Variants in PDS5B observed in about 807,000 individuals in gnomAD.
PDS5B encodes the protein sister chromatid cohesion protein PDS5 homolog B.
Under a neutral mutation model 184.1 loss-of-function variants are expected in PDS5B, and 51 were observed. The observed-to-expected ratio is 0.28, with a 90% confidence interval of 0.22 to 0.35. PDS5B has a LOEUF of 0.35. Among genes scored for constraint, PDS5B ranks in the 10% least tolerant of loss-of-function variants. The pLI, the probability that PDS5B is intolerant of heterozygous loss-of-function variation, is 1.00. For synonymous variants in PDS5B, 566 were observed against 569.2 expected (o/e 0.99, Z 0.08); for missense variants, 1,180 against 1,723.3 (o/e 0.68, Z 5.58).
chr13:32,761,591 T>TA (rs1232557444), intron 30 of PDS5B, among the ~76,000 whole-genome samples: 2 of 152,182 alleles, frequency 1.3e-5, no homozygotes, highest in African/African-American at 4.8e-5. Flanking sequence ...GTTCCTGTGT[T>TA]AATTTGCTCA....
At chr13:32,690,689 A>G (rs1383400950) in intron 13 of PDS5B, 6 of 152,198 alleles carry the variant, frequency 3.9e-5, no homozygotes, top group Admixed American at 3.9e-4. Flanking sequence ...AATGATAAGT[A>G]TATTTGATTG....
At chr13:32,670,097 GTTTTTC>G (rs760117394) in intron 7 of PDS5B, among the ~76,000 whole-genome samples, 3 of 150,410 alleles carry the variant, frequency 2.0e-5, no homozygotes, top group Non-Finnish European at 3.0e-5. Context: ...TCTCTCTTCT[GTTTTTC>G]TTTTTCATTC....
intron 1 of PDS5B, among the ~76,000 whole-genome samples, chr13:32,635,765 A>AT (rs34580707): frequency 0.02 from 2,159 of 108,480 alleles, 43 homozygotes; most frequent in Middle Eastern, 0.066. Flanking sequence ...TAGTATTCTG[A>AT]TTTTTTTTTT....
intron 1 of PDS5B, among the ~76,000 whole-genome samples, chr13:32,596,197 C>T (rs1039434527): frequency 6.6e-6 from 1 of 152,164 alleles, no homozygotes. Context: ...TACCCCACAA[C>T]GTTTCCTTGT....
intron 3 of PDS5B, among the ~76,000 whole-genome samples, chr13:32,654,101 A>C (rs1249005685): frequency 1.3e-5 from 2 of 152,150 alleles, no homozygotes; most frequent in Non-Finnish European, 2.9e-5. Flanking sequence ...TTTCTGATGA[A>C]TTTTTGAGTC....
chr13:32,686,975 T>C (rs1451806642), intron 11 of PDS5B, among the ~76,000 whole-genome samples, 159 bp from the exon 12 acceptor site: 2 of 152,208 alleles, frequency 1.3e-5, no homozygotes, highest in African/African-American at 4.8e-5. Context: ...TAGTTGTGTT[T>C]TTTTTTAATA....
At chr13:32,719,382 C>T (rs1163730341) in intron 19 of PDS5B, among the ~76,000 whole-genome samples, 2 of 152,082 alleles carry the variant, frequency 1.3e-5, no homozygotes, top group East Asian at 3.9e-4. Context: ...AGGGTTTTGC[C>T]ATGTTGCCCA....
At chr13:32,761,277 A>G (rs1386820392) in intron 30 of PDS5B, among the ~76,000 whole-genome samples, 1 of 152,140 alleles carries the variant, frequency 6.6e-6, no homozygotes, top group Non-Finnish European at 1.5e-5. Context: ...TATCATTTGA[A>G]TTTATTTGTA....
intron 1 of PDS5B, among the ~76,000 whole-genome samples, chr13:32,641,272 CTCTGT>C (rs1950081169): frequency 6.6e-6 from 1 of 152,114 alleles, no homozygotes; most frequent in African/African-American, 2.4e-5. Flanking sequence ...TAAGGAGCAG[CTCTGT>C]ATCAATACCT....
chr13:32,635,822 G>T (rs2058545670), intron 1 of PDS5B, among the ~76,000 whole-genome samples: 3 of 145,026 alleles, frequency 2.1e-5, no homozygotes, highest in Admixed American at 7.0e-5. Flanking sequence ...GGCTGGAAGT[G>T]CAGTGGTGCT....
chr13:32,597,328 C>T (rs189436592), intron 1 of PDS5B, among the ~76,000 whole-genome samples: 1 of 151,766 alleles, frequency 6.6e-6, no homozygotes, highest in Non-Finnish European at 1.5e-5. Flanking sequence ...CAGGCATGAG[C>T]CAGTGTGCCT....
At chr13:32,759,315 T>C (rs1447218170) in intron 28 of PDS5B, among the ~76,000 whole-genome samples, 1 of 152,080 alleles carries the variant, frequency 6.6e-6, no homozygotes, top group Non-Finnish European at 1.5e-5. Context: ...GGCTGTCACG[T>C]TGGTGTGAGC....
At position 32,670,454 on chromosome 13, in the gene PDS5B, C is replaced by T. The variant is rs370249743; in HGVS notation, c.705+2610C>T. Among the ~76,000 whole-genome samples the T allele has an allele frequency of 1.2e-4, 18 of 152,220 alleles. No homozygotes were observed. The South Asian group carries it at 1.9e-3, about 16-fold the overall frequency. ...TGTTGCCCAGGCTGTTCTTGAATTG[C>T]TGAGCTCAAGCAGTCCGCCTGCCTT... is the stretch of plus-strand genomic sequence containing the variant. On this transcript the variant is annotated intron_variant, in intron 7 of 34. Coordinates refer to ENST00000315596, the MANE Select transcript of PDS5B (RefSeq NM_015032.4).
chr13:32,727,148 A>G (rs1402357707), intron 19 of PDS5B, among the ~76,000 whole-genome samples: 1 of 152,236 alleles, frequency 6.6e-6, no homozygotes, highest in Non-Finnish European at 1.5e-5. Context: ...TTTCCTTGAG[A>G]TTAATCAAGT....
intron 19 of PDS5B, among the ~76,000 whole-genome samples, chr13:32,710,858 T>G (rs548395455): frequency 5.9e-5 from 9 of 152,342 alleles, no homozygotes; most frequent in Non-Finnish European, 1.3e-4. Context: ...GTCTTTTCCT[T>G]AGAAAGAGAC....
intron 1 of PDS5B, among the ~76,000 whole-genome samples, chr13:32,620,330 C>T (rs1444875405): frequency 3.3e-5 from 5 of 151,926 alleles, no homozygotes; most frequent in African/African-American, 9.7e-5. Context: ...TTTTTCTTTT[C>T]TTAGTATGCT....
At chr13:32,630,518 C>T (rs1305304542) in intron 1 of PDS5B, among the ~76,000 whole-genome samples, 1 of 152,130 alleles carries the variant, frequency 6.6e-6, no homozygotes, top group African/African-American at 2.4e-5. Flanking sequence ...CGTGAGAGTG[C>T]TGAGGTTGAG....
At chr13:32,597,231 A>G (rs1185090536) in intron 1 of PDS5B, among the ~76,000 whole-genome samples, 3 of 146,582 alleles carry the variant, frequency 2.0e-5, no homozygotes, top group African/African-American at 2.5e-5. Context: ...TTTTGTAGAG[A>G]TGGGGTTCGC....
At chr13:32,642,294 C>T (rs1439829759) in intron 1 of PDS5B, among the ~76,000 whole-genome samples, 1 of 152,026 alleles carries the variant, frequency 6.6e-6, no homozygotes, top group African/African-American at 2.4e-5. Context: ...TAGCTATTTG[C>T]GATAGATGCT....
Sources: allele counts gnomAD v4.1 joint callset (sites outside exome capture counted in the v4.1 genomes callset), GRCh38; gene constraint gnomAD v4.1.1; transcripts MANE v1.5; gene names NCBI Gene and HGNC (gene_info 2026-07-23, HGNC 2026-07-21).